Variants in SLC5A10 observed in about 807,000 individuals in gnomAD.
SLC5A10 encodes solute carrier family 5 member 10, also known as sodium/mannose cotransporter SLC5A10.
Under a neutral mutation model 68.9 loss-of-function variants are expected in SLC5A10, and 55 were observed. The ratio of observed to expected loss-of-function variants is 0.80; its 90% CI spans 0.64 to 1.00. The LOEUF (loss-of-function observed/expected upper bound fraction) is 1.00. Ranked by LOEUF, SLC5A10 falls within the 50% of genes least tolerant of loss-of-function variation. The probability of loss-of-function intolerance (pLI) is 0.00; values close to 1 mark genes in which losing one functional copy is unlikely to be tolerated. For missense variants in SLC5A10, 732 were observed against 819.3 expected, an observed-to-expected ratio of 0.89 and a Z score of 1.30; for synonymous variants, 344 against 344.8, an observed-to-expected ratio of 1.00 and a Z score of 0.02.
chr17:18,956,733 C>T (rs2042511859), intron 1 of SLC5A10, among the ~76,000 whole-genome samples: 1 of 152,126 alleles, frequency 6.6e-6, no homozygotes, highest in Non-Finnish European at 1.5e-5. Flanking sequence ...TCCTTGGCCT[C>T]CCAAAGTGTT....
upstream of SLC5A10, chr17:18,952,092 T>A (rs1476006382): frequency 7.5e-6 from 11 of 1,468,598 alleles, no homozygotes; most frequent in Non-Finnish European, 9.9e-6. Context: ...GGGCTGGAGA[T>A]GCCACTGTCC....
intron 10 of SLC5A10, among the ~76,000 whole-genome samples, chr17:19,014,701 G>A (rs1567813978): frequency 6.6e-6 from 1 of 152,170 alleles, no homozygotes; most frequent in Non-Finnish European, 1.5e-5. Context: ...TTCCTCGGAC[G>A]AAGGCATGGG....
chr17:18,966,488 G>T (rs950646230), intron 5 of SLC5A10, among the ~76,000 whole-genome samples: 1 of 152,218 alleles, frequency 6.6e-6, no homozygotes, highest in African/African-American at 2.4e-5. Flanking sequence ...TCTGGGCCGG[G>T]TGCGGTGGCT....
chr17:18,996,220 A>G lies in SLC5A10; in HGVS notation c.983-17190A>G, dbSNP rs543417735. Among the ~76,000 whole-genome samples, 1 of 151,612 alleles carries G rather than the reference A, an allele frequency of 6.6e-6. No individual in the cohort carries two copies. Among genetic ancestry groups the G allele is most frequent in the East Asian group, 1.9e-4 (1 of 5,192 alleles). Reference sequence around the variant, plus strand: ...AGGCAAACTAAAGACTTTTTCAAATATAAAAAAGCTGAGAGAATTCATTAC... The same window carrying G: ...AGGCAAACTAAAGACTTTTTCAAATGTAAAAAAGCTGAGAGAATTCATTAC... On this transcript the variant is annotated intron_variant, in intron 9 of 14. Transcript: ENST00000395645. The surrounding 1 kb of genome is among the most constrained non-coding windows in gnomAD (Gnocchi z 4.4).
chr17:18,964,742 A>G (rs1020941092), intron 5 of SLC5A10, among the ~76,000 whole-genome samples: 2 of 152,230 alleles, frequency 1.3e-5, no homozygotes, highest in South Asian at 2.1e-4. Flanking sequence ...GTCTAGGGAT[A>G]TGGAGGGGCA....
intron 9 of SLC5A10, among the ~76,000 whole-genome samples, chr17:19,012,106 G>A (rs1325597800): frequency 1.3e-5 from 2 of 152,182 alleles, no homozygotes; most frequent in African/African-American, 4.8e-5. Flanking sequence ...GGGCCCTCCT[G>A]AAAACCCCAG....
rs1385264200 is a variant in SLC5A10 at position 19,013,413 on chromosome 17, A to G, written c.986A>G (p.Asp329Gly). 1 of 1,606,626 alleles carries G rather than the reference A, an allele frequency of 6.2e-7. No individual in the cohort carries two copies. The highest frequency in any genetic ancestry group is 2.3e-5 in the East Asian group (1 of 44,340). Residue 329 changes from aspartate (D) to glycine (G), a missense_variant, in exon 10 of 15, where the codon GAT becomes GGT. Coordinates refer to ENST00000395645, the MANE Select transcript of SLC5A10 (RefSeq NM_001042450.4). ...GMISRALFPDDVGCVVPSECL... is the reference protein window; with the variant it reads ...GMISRALFPDGVGCVVPSECL... Reference sequence around the variant, plus strand: ...CAAGTGTCCGTCTCTCGAACAGATGATGTGGGCTGCGTGGTGCCGTCCGAG... The same window carrying G: ...CAAGTGTCCGTCTCTCGAACAGATGGTGTGGGCTGCGTGGTGCCGTCCGAG...
At position 19,017,694 on chromosome 17, in the gene SLC5A10, C is replaced by T. The variant is rs188086083; in HGVS notation, c.1242-1729C>T. The T allele has an allele frequency of 2.6e-5, 9 of 347,508 alleles. No individual in the cohort carries two copies. Among genetic ancestry groups the T allele is most frequent in the Admixed American group, 1.3e-4 (3 of 23,722 alleles). 21.5% of individuals were successfully genotyped at this position (347,508 alleles called of 1,614,324 possible). A position where few individuals can be genotyped will look rare whatever the true frequency, so the allele number is the denominator to read the frequency against. The stretch of plus-strand genomic sequence containing the variant: ...TGTCTGTGTTCCCGGCTGTTCAGTC[C>T]GTAAATGGGGCCCACAGCCTCCTGG... On this transcript the variant is annotated intron_variant, in intron 11 of 14. Transcript: ENST00000395645. The surrounding 1 kb of genome is among the most constrained non-coding windows in gnomAD (Gnocchi z 5.6).
chr17:19,021,896 A>G lies in SLC5A10; in HGVS notation c.*1465A>G, dbSNP rs550499409. ...GACTCTGACAGAGCTGGGGGTGTCC[A>G]TGTCCTCTCTGGACCTCAGTTCCTG... On this transcript the variant is annotated 3_prime_UTR_variant, in exon 15 of 15. Coordinates refer to ENST00000395645, the MANE Select transcript of SLC5A10 (RefSeq NM_001042450.4). The surrounding 1 kb of genome is among the most constrained non-coding windows in gnomAD (Gnocchi z 4.1). 7.7e-6 allele frequency: 11 copies of G among 1,421,990 alleles called. No homozygotes were observed. The East Asian group carries it at 1.6e-4, about 21-fold the overall frequency. 88.1% of individuals were successfully genotyped at this position (1,421,990 alleles called of 1,614,324 possible).
At chr17:19,020,019 C>A in intron 13 of SLC5A10, 91 bp downstream of exon 13, 1 of 1,460,102 alleles carries the variant, frequency 6.8e-7, no homozygotes, top group Non-Finnish European at 9.4e-7. Flanking sequence ...TCAGAATTTT[C>A]TAGCCCTGGA....
intron 1 of SLC5A10, among the ~76,000 whole-genome samples, chr17:18,955,255 C>T (rs2042475285): frequency 6.6e-6 from 1 of 152,154 alleles, no homozygotes; most frequent in Admixed American, 6.5e-5. Flanking sequence ...GTCCTAAGCC[C>T]AGCTCCCCTC....
chr17:18,955,843 C>T (rs912608880), intron 1 of SLC5A10, among the ~76,000 whole-genome samples: 2 of 152,202 alleles, frequency 1.3e-5, no homozygotes, highest in East Asian at 1.9e-4. Context: ...GGGGAGATCA[C>T]GTGAGCCCAG....
Position 18,978,004 on chromosome 17 carries a change from G to A in SLC5A10, c.982+1015G>A, listed in dbSNP as rs752278600. 15 of 1,562,770 alleles carry A rather than the reference G, an allele frequency of 9.6e-6. No individual in the cohort carries two copies. The East Asian group carries it at 1.1e-4, about 12-fold the overall frequency. On this transcript the variant is annotated intron_variant, in intron 9 of 14. Transcript: ENST00000395645. ...CCTGGGTCACAGATAGCTGCCGCTG[G>A]AGTGGGGCGTGGCCTGGGCCTGCCA... is the stretch of plus-strand genomic sequence containing the variant.
At chr17:19,019,085 T>G in intron 11 of SLC5A10, 1 of 289,138 alleles carries the variant, frequency 3.5e-6, no homozygotes, top group Non-Finnish European at 6.4e-6. Flanking sequence ...CAGGTAAATG[T>G]GCATGTAGTG....
Position 19,000,306 on chromosome 17 carries a change from G to A in SLC5A10, c.983-13104G>A, listed in dbSNP as rs2043697652. On this transcript the variant is annotated intron_variant, in intron 9 of 14. Coordinates refer to ENST00000395645, the MANE Select transcript of SLC5A10 (RefSeq NM_001042450.4). The surrounding 1 kb of genome is among the most constrained non-coding windows in gnomAD (Gnocchi z 5.2). ...TGTCCCAGGGGAGTCTAGGATCACAGGGCAGCAAGGTGTCAGGGCTGAAGG... is the reference window on the plus strand; with the variant it reads ...TGTCCCAGGGGAGTCTAGGATCACAAGGCAGCAAGGTGTCAGGGCTGAAGG... 6.6e-6 allele frequency among the ~76,000 whole-genome samples: 1 copy of A among 152,202 alleles called. No individual in the cohort carries two copies. Among genetic ancestry groups the A allele is most frequent in the East Asian group, 1.9e-4 (1 of 5,198 alleles).
At chr17:18,969,221 C>T (rs936947346) in intron 6 of SLC5A10, 64 bp downstream of exon 6, 6 of 1,581,732 alleles carry the variant, frequency 3.8e-6, no homozygotes, top group Middle Eastern at 1.7e-4. Flanking sequence ...AGGCCACCTC[C>T]CCCTACAGGC....
Position 18,971,406 on chromosome 17 carries a change from C to G in SLC5A10, c.846+188C>G. 6.2e-7 allele frequency: 1 copy of G among 1,613,766 alleles called. No homozygotes were observed. Among genetic ancestry groups the G allele is most frequent in the Non-Finnish European group, 8.5e-7 (1 of 1,179,986 alleles). On this transcript the variant is annotated intron_variant, in intron 8 of 14. Transcript: ENST00000395645. The surrounding 1 kb of genome is among the most constrained non-coding windows in gnomAD (Gnocchi z 5.5). ...GGGGCTTGAGCCCTCCGTTTAGAAT[C>G]CGATGAGGCCCACTGGCTACCGCCC...
At chr17:18,981,831 C>T (rs569312013) in intron 9 of SLC5A10, among the ~76,000 whole-genome samples, 16 of 152,262 alleles carry the variant, frequency 1.1e-4, no homozygotes, top group Admixed American at 5.2e-4. Context: ...TGGCCACGGC[C>T]CAGGACAATT....
rs1489563887 is a variant in SLC5A10 at position 19,019,491 on chromosome 17, G to A, written c.1310G>A (p.Gly437Glu). The A allele has an allele frequency of 1.2e-6, 2 of 1,612,408 alleles. No homozygotes were observed. Among genetic ancestry groups the A allele is most frequent in the Non-Finnish European group, 1.7e-6 (2 of 1,179,938 alleles). Residue 437 changes from glycine (G) to glutamate (E), a missense_variant, in exon 12 of 15, where the codon GGG becomes GAG. Physicochemically the swap from Gly to Glu is moderately conservative, Grantham distance 98. Coordinates refer to ENST00000395645, the MANE Select transcript of SLC5A10 (RefSeq NM_001042450.4). ...WIPVLQDSNS[G>E]QLFIYMQSVT... The stretch of plus-strand genomic sequence containing the variant: ...CCCGTCCTGCAGGACTCCAACAGCG[G>A]GCAACTCTTCATCTACATGCAGTCA...
Sources: allele counts gnomAD v4.1 joint callset (sites outside exome capture counted in the v4.1 genomes callset), GRCh38; gene constraint gnomAD v4.1.1; non-coding constraint Gnocchi (gnomAD v3.1); transcripts MANE v1.5; gene names NCBI Gene and HGNC (gene_info 2026-07-23, HGNC 2026-07-21).